Variants in SLC24A2 observed in about 807,000 individuals in gnomAD.
SLC24A2 encodes sodium/potassium/calcium exchanger 2.
Under a neutral mutation model 62.0 loss-of-function variants are expected in SLC24A2, and 36 were observed. That is an observed-to-expected ratio of 0.58 (90% CI 0.44 to 0.77). The LOEUF is 0.77. SLC24A2 is among the 30% of genes least tolerant of loss of function. SLC24A2 has a pLI of 0.00. For synonymous variants in SLC24A2, 358 were observed against 294.0 expected (o/e 1.22, Z -2.23); for missense variants, 846 against 817.9 (o/e 1.03, Z -0.42).
intron 2 of SLC24A2, among the ~76,000 whole-genome samples, chr9:19,768,251 T>C (rs1192345478): frequency 6.6e-6 from 1 of 152,192 alleles, no homozygotes; most frequent in East Asian, 1.9e-4. Flanking sequence ...TCCCCATTTG[T>C]TCATCCTCCC....
the SLC24A2 span, among the ~76,000 whole-genome samples, chr9:20,149,854 C>CAT: frequency 6.6e-6 from 1 of 151,968 alleles, no homozygotes; most frequent in Non-Finnish European, 1.5e-5. Flanking sequence ...GGAGTCACTA[C>CAT]AGAGGAGGTT....
At chr9:20,256,938 AC>A in the SLC24A2 span, among the ~76,000 whole-genome samples, 26,001 of 151,980 alleles carry the variant, frequency 0.17, 2,359 homozygotes, top group Admixed American at 0.26. Context: ...ACACACACAC[AC>A]ACACACACAC....
chr9:19,697,753 C>A (rs1378403301), intron 2 of SLC24A2, among the ~76,000 whole-genome samples: 2 of 152,126 alleles, frequency 1.3e-5, no homozygotes, highest in African/African-American at 2.4e-5. Context: ...AAAGAAGACA[C>A]AATTCATACT....
At chr9:20,276,601 G>A in the SLC24A2 span, among the ~76,000 whole-genome samples, 3 of 152,210 alleles carry the variant, frequency 2.0e-5, no homozygotes, top group South Asian at 4.1e-4. Flanking sequence ...CTCCACTGGG[G>A]AGTGCCCTAG....
intron 2 of SLC24A2, among the ~76,000 whole-genome samples, chr9:19,700,106 T>C (rs573269163): frequency 2.0e-5 from 3 of 152,306 alleles, no homozygotes; most frequent in African/African-American, 4.8e-5. Context: ...AAAAGTACTA[T>C]ATAAATGCAA....
At chr9:19,790,865 G>C (rs1823311616), upstream of SLC24A2, among the ~76,000 whole-genome samples, 4 of 152,128 alleles carry the variant, frequency 2.6e-5, no homozygotes, top group South Asian at 8.3e-4. Flanking sequence ...ACAATGTCTA[G>C]AAGAGTTTTT....
chr9:20,145,603 G>A, the SLC24A2 span, among the ~76,000 whole-genome samples: 2 of 2,214 alleles, frequency 9.0e-4, no homozygotes, highest in Non-Finnish European at 2.6e-3. Flanking sequence ...TCACATGTAT[G>A]TGTGTGTGTG....
intron 2 of SLC24A2, among the ~76,000 whole-genome samples, chr9:19,784,528 T>G (rs577365802): frequency 6.6e-6 from 1 of 152,130 alleles, no homozygotes; most frequent in South Asian, 2.1e-4. Flanking sequence ...TCCTTGACAA[T>G]CGTTCAGTAC....
rs1832614130 is a variant in SLC24A2 at position 19,509,074 on chromosome 9, A to G, written c.*7079T>C. ...AGGGAACTTCTTAGACCCATCCTAT[A>G]TTTATATAAAAGCTCAAACACATCC... On this transcript the variant is annotated 3_prime_UTR_variant, in exon 11 of 11. Transcript: ENST00000341998. The G allele has an allele frequency of 6.6e-6, 1 of 152,186 alleles. No individual in the cohort carries two copies. Among genetic ancestry groups the G allele is most frequent in the Non-Finnish European group, 1.5e-5 (1 of 68,024 alleles). The allele number at this position is 152,186 out of a possible 1,614,324, so 9.4% of individuals were successfully genotyped here. A position where few individuals can be genotyped will look rare whatever the true frequency, so the allele number is the denominator to read the frequency against.
the SLC24A2 span, among the ~76,000 whole-genome samples, chr9:19,870,390 A>T: frequency 7.2e-5 from 11 of 152,212 alleles, no homozygotes; most frequent in Non-Finnish European, 1.6e-4. Flanking sequence ...TCTGTTGTAC[A>T]GATATACCAC....
the SLC24A2 span, among the ~76,000 whole-genome samples, chr9:19,943,744 C>T: frequency 1.3e-5 from 2 of 152,168 alleles, no homozygotes; most frequent in African/African-American, 4.8e-5. Context: ...AAGAAAGATG[C>T]TACCTTTTAT....
the SLC24A2 span, among the ~76,000 whole-genome samples, chr9:20,265,112 G>C: frequency 1.3e-5 from 2 of 152,236 alleles, no homozygotes; most frequent in African/African-American, 2.4e-5. Flanking sequence ...GCTACAGCGG[G>C]AGATCCATAT....
At chr9:20,073,878 A>ATATG in the SLC24A2 span, among the ~76,000 whole-genome samples, 1 of 102,746 alleles carries the variant, frequency 9.7e-6, no homozygotes, top group Non-Finnish European at 2.0e-5. Flanking sequence ...ATGTGCGTGT[A>ATATG]TATATATATA....
At chr9:19,568,026 A>C (rs1382252584) in intron 7 of SLC24A2, among the ~76,000 whole-genome samples, 2 of 152,236 alleles carry the variant, frequency 1.3e-5, no homozygotes, top group Admixed American at 1.3e-4. Flanking sequence ...AGGCAGGCTA[A>C]AGTCTCAGGA....
intron 7 of SLC24A2, among the ~76,000 whole-genome samples, chr9:19,567,098 TAAAG>T (rs1304291357): frequency 6.7e-6 from 1 of 148,752 alleles, no homozygotes; most frequent in Non-Finnish European, 1.5e-5. Context: ...CCCTAGAACT[TAAAG>T]TATAATAAAA....
At chr9:20,132,501 T>A in the SLC24A2 span, among the ~76,000 whole-genome samples, 1 of 152,132 alleles carries the variant, frequency 6.6e-6, no homozygotes, top group Non-Finnish European at 1.5e-5. Context: ...GAGACTAGAC[T>A]ACATGGGTCA....
intron 7 of SLC24A2, among the ~76,000 whole-genome samples, chr9:19,567,987 G>A (rs774796033): frequency 2.0e-5 from 3 of 152,086 alleles, no homozygotes; most frequent in African/African-American, 7.2e-5. Context: ...TTGTAAATAG[G>A]GTTTTTAAAA....
At chr9:20,255,291 G>A in the SLC24A2 span, among the ~76,000 whole-genome samples, 1 of 152,198 alleles carries the variant, frequency 6.6e-6, no homozygotes, top group Admixed American at 6.5e-5. Flanking sequence ...TCTGGGCTCA[G>A]TGAGATAAAA....
chr9:19,922,072 C>T, the SLC24A2 span, among the ~76,000 whole-genome samples: 20 of 152,122 alleles, frequency 1.3e-4, no homozygotes, highest in Admixed American at 7.9e-4. Flanking sequence ...ACGTCCTTCT[C>T]CAAGCAGCTA....
Sources: gnomAD v4.1 joint callset for allele counts (sites outside exome capture counted in the v4.1 genomes callset) on GRCh38, gnomAD v4.1.1 for gene constraint, MANE v1.5 for transcripts, NCBI Gene and HGNC (gene_info 2026-07-23, HGNC 2026-07-21) for gene names.